OPCML: variants seen among roughly 807,000 people sequenced by gnomAD.
OPCML encodes opioid-binding protein/cell adhesion molecule.
A neutral mutation model predicts 37.8 loss-of-function variants in OPCML; 13 were observed. That is an observed-to-expected ratio of 0.34 (90% CI 0.22 to 0.55). OPCML has a LOEUF of 0.55. Among genes scored for constraint, OPCML ranks in the 20% least tolerant of loss-of-function variants. The pLI is 0.91. For synonymous variants in OPCML, 176 were observed against 168.8 expected (o/e 1.04, Z -0.33); for missense variants, 341 against 435.6 (o/e 0.78, Z 1.93).
At chr11:132,646,174 C>T (rs73593150) in intron 3 of OPCML, among the ~76,000 whole-genome samples, 7,645 of 152,124 alleles carry the variant, frequency 0.05, 439 homozygotes, top group African/African-American at 0.14. Flanking sequence ...AGCTCACCAC[C>T]AAACAAATTA....
rs561092427 is a variant in OPCML at position 132,602,422 on chromosome 11, T to G, written c.379+54665A>C. On this transcript the variant is annotated intron_variant, in intron 3 of 7. Coordinates refer to ENST00000524381, the MANE Select transcript of OPCML (RefSeq NM_001012393.5). ...TCTCTTTTAAAATTCTAAAAATAGC[T>G]TGGTTTCGTAGGTTAATATAGACAG... Among the ~76,000 whole-genome samples the G allele has an allele frequency of 9.2e-5, 14 of 152,272 alleles. No homozygotes were observed. In the South Asian group the frequency reaches 2.9e-3, roughly 32 times the overall value.
intron 2 of OPCML, among the ~76,000 whole-genome samples, chr11:132,867,976 C>T (rs1225950493): frequency 1.3e-5 from 2 of 152,104 alleles, no homozygotes; most frequent in Non-Finnish European, 2.9e-5. Flanking sequence ...GAAGTTCTCT[C>T]GGGGCTCCGT....
At chr11:132,429,399 G>A (rs1296541649) in intron 7 of OPCML, among the ~76,000 whole-genome samples, 8 of 152,208 alleles carry the variant, frequency 5.3e-5, no homozygotes. Flanking sequence ...GCCACAATGT[G>A]AGTGATAATG....
intron 2 of OPCML, among the ~76,000 whole-genome samples, chr11:132,838,756 G>A (rs547929292): frequency 6.6e-6 from 1 of 152,266 alleles, no homozygotes; most frequent in South Asian, 2.1e-4. Flanking sequence ...TGCAAAGTAA[G>A]AGAGTGGAAG....
intron 4 of OPCML, among the ~76,000 whole-genome samples, chr11:132,471,696 A>C (rs1197717798): frequency 6.6e-6 from 1 of 152,240 alleles, no homozygotes; most frequent in Non-Finnish European, 1.5e-5. Flanking sequence ...AAGGCCATGC[A>C]TTCCAGGAGT....
At chr11:133,315,357 CTT>C (rs1943180771) in intron 1 of OPCML, among the ~76,000 whole-genome samples, 1 of 152,174 alleles carries the variant, frequency 6.6e-6, no homozygotes, top group African/African-American at 2.4e-5. Context: ...TGAGAGGACT[CTT>C]TATTTCTGGG....
At chr11:132,573,792 T>G (rs2096443764) in intron 3 of OPCML, among the ~76,000 whole-genome samples, 2 of 152,128 alleles carry the variant, frequency 1.3e-5, no homozygotes, top group Middle Eastern at 3.4e-3. Context: ...TTTAGAAGAG[T>G]TTGAGAAAGA....
At chr11:133,386,904 G>GTA (rs1263523647) in intron 1 of OPCML, among the ~76,000 whole-genome samples, 1 of 152,144 alleles carries the variant, frequency 6.6e-6, no homozygotes, top group African/African-American at 2.4e-5. Context: ...AATGCTCAGG[G>GTA]TATCTGTGAG....
At chr11:133,103,277 A>C (rs1264349710) in intron 1 of OPCML, among the ~76,000 whole-genome samples, 1 of 152,198 alleles carries the variant, frequency 6.6e-6, no homozygotes, top group African/African-American at 2.4e-5. Flanking sequence ...ATACTTGGGA[A>C]ACTTATAGAG....
At chr11:133,336,695 A>G (rs1442937491) in intron 1 of OPCML, among the ~76,000 whole-genome samples, 1 of 152,220 alleles carries the variant, frequency 6.6e-6, no homozygotes, top group Non-Finnish European at 1.5e-5. Context: ...AAGGATGGGC[A>G]GATTGCTGTT....
chr11:133,209,635 G>A (rs542242224), intron 1 of OPCML, among the ~76,000 whole-genome samples: 11 of 152,312 alleles, frequency 7.2e-5, no homozygotes, highest in African/African-American at 2.6e-4. Context: ...TGCTTACTCA[G>A]CTTGGTAACC....
intron 1 of OPCML, among the ~76,000 whole-genome samples, chr11:133,115,708 G>A (rs1272579391): frequency 6.6e-6 from 1 of 152,018 alleles, no homozygotes; most frequent in African/African-American, 2.4e-5. Flanking sequence ...GGATTGCTTT[G>A]AATTATTTTT....
At chr11:133,076,868 C>T (rs1014135274) in intron 1 of OPCML, among the ~76,000 whole-genome samples, 6 of 152,144 alleles carry the variant, frequency 3.9e-5, no homozygotes, top group African/African-American at 1.4e-4. Flanking sequence ...ACTGGTTCTT[C>T]TCTGCCAAGC....
At chr11:132,914,398 C>G (rs887012723) in intron 2 of OPCML, among the ~76,000 whole-genome samples, 2 of 152,210 alleles carry the variant, frequency 1.3e-5, no homozygotes, top group East Asian at 3.8e-4. Context: ...TGTGACCATA[C>G]ATTTTCTGTT....
rs80032883 is a variant in OPCML, at chr11:133,414,636, G to A, written c.61+117628C>T. Among the ~76,000 whole-genome samples, 1,017 of 152,200 alleles carry A rather than the reference G, an allele frequency of 6.7e-3. 13 individuals are homozygous for A. Among genetic ancestry groups the A allele is most frequent in the Non-Finnish European group, 8.0e-3 (541 of 68,002 alleles). On this transcript the variant is annotated intron_variant, in intron 1 of 7. Coordinates refer to ENST00000524381, the MANE Select transcript of OPCML (RefSeq NM_001012393.5). ...TGCATTTAGGAATCCATCTAATCCC[G>A]CAGGCTTTGAGACGAAGCCAGTTCT...
At chr11:133,094,835 T>C (rs1015229869) in intron 1 of OPCML, among the ~76,000 whole-genome samples, 2 of 152,126 alleles carry the variant, frequency 1.3e-5, no homozygotes, top group Non-Finnish European at 2.9e-5. Flanking sequence ...TAACAGATGT[T>C]TGAGTTTGGG....
At chr11:132,713,882 A>G (rs1388589211) in intron 2 of OPCML, among the ~76,000 whole-genome samples, 1 of 152,254 alleles carries the variant, frequency 6.6e-6, no homozygotes, top group African/African-American at 2.4e-5. Context: ...TCTCCTATGA[A>G]AATGATCCCC....
chr11:132,492,265 G>T (rs938434308), intron 4 of OPCML, among the ~76,000 whole-genome samples: 18 of 151,990 alleles, frequency 1.2e-4, no homozygotes, highest in African/African-American at 4.4e-4. Flanking sequence ...GCATGACTGA[G>T]GGGCCCGCGA....
At chr11:133,010,340 G>A (rs1414125289) in intron 1 of OPCML, among the ~76,000 whole-genome samples, 1 of 152,234 alleles carries the variant, frequency 6.6e-6, no homozygotes, top group Non-Finnish European at 1.5e-5. Flanking sequence ...TAGATAAATG[G>A]ATAATTTGTG....
Sources: allele counts gnomAD v4.1 joint callset (sites outside exome capture counted in the v4.1 genomes callset), GRCh38; gene constraint gnomAD v4.1.1; transcripts MANE v1.5; gene names NCBI Gene and HGNC (gene_info 2026-07-23, HGNC 2026-07-21).